THEMIS: variants seen among roughly 807,000 people sequenced by gnomAD.
THEMIS encodes the protein protein THEMIS.
THEMIS carries 37 observed loss-of-function variants against 52.6 expected under a neutral mutation model. That is an observed-to-expected ratio of 0.70 (90% CI 0.54 to 0.93). THEMIS has a LOEUF of 0.93. Ranked by LOEUF, THEMIS falls within the 40% of genes least tolerant of loss-of-function variation. The pLI is 0.00. For synonymous variants in THEMIS, 292 were observed against 272.7 expected, an observed-to-expected ratio of 1.07 and a Z score of -0.70; for missense variants, 808 against 763.1, an observed-to-expected ratio of 1.06 and a Z score of -0.69.
intron 4 of THEMIS, among the ~76,000 whole-genome samples, chr6:127,778,683 A>C (rs1319077417): frequency 1.3e-5 from 2 of 152,174 alleles, no homozygotes; most frequent in African/African-American, 2.4e-5. Context: ...GTTCATTAAA[A>C]GGAAGTTCCC....
At chr6:127,858,874 A>G (rs184693993) in intron 1 of THEMIS, among the ~76,000 whole-genome samples, 1 of 152,268 alleles carries the variant, frequency 6.6e-6, no homozygotes, top group East Asian at 1.9e-4. Context: ...TCAGTGATCA[A>G]ACATTGCCCC....
intron 4 of THEMIS, among the ~76,000 whole-genome samples, chr6:127,749,100 C>A (rs560280100): frequency 2.6e-5 from 4 of 151,988 alleles, no homozygotes; most frequent in Non-Finnish European, 5.9e-5. Flanking sequence ...CAGAATATTG[C>A]CTTTGGCAAA....
intron 4 of THEMIS, among the ~76,000 whole-genome samples, chr6:127,720,135 G>A (rs116058855): frequency 0.049 from 7,358 of 151,706 alleles, 183 homozygotes; most frequent in East Asian, 0.092. Flanking sequence ...TTTTTACTTA[G>A]TTTTTATTAT....
chr6:127,896,235 T>C (rs182131496), intron 1 of THEMIS, among the ~76,000 whole-genome samples: 1 of 151,514 alleles, frequency 6.6e-6, no homozygotes, highest in East Asian at 1.9e-4. Context: ...GATCTTTTTT[T>C]TATCATTACC....
At chr6:127,793,413 C>T (rs1049097193) in intron 4 of THEMIS, among the ~76,000 whole-genome samples, 1 of 152,132 alleles carries the variant, frequency 6.6e-6, no homozygotes, top group Admixed American at 6.6e-5. Context: ...TGATTCTGAA[C>T]AGAGGCAGTT....
chr6:127,717,254 A>T (rs1774200785), intron 5 of THEMIS, among the ~76,000 whole-genome samples: 1 of 151,936 alleles, frequency 6.6e-6, no homozygotes, highest in Non-Finnish European at 1.5e-5. Flanking sequence ...TTTACAAATA[A>T]AGGAATAGTC....
chr6:127,785,430 C>T (rs1401029717), intron 4 of THEMIS, among the ~76,000 whole-genome samples: 3 of 150,782 alleles, frequency 2.0e-5, no homozygotes, highest in South Asian at 4.2e-4. Flanking sequence ...CAAACCTGCA[C>T]GTTGTGCACA....
At chr6:127,774,516 G>C (rs745914338) in intron 4 of THEMIS, among the ~76,000 whole-genome samples, 2 of 152,110 alleles carry the variant, frequency 1.3e-5, no homozygotes, top group Non-Finnish European at 2.9e-5. Context: ...GAACCTACCA[G>C]GCCTTCTTAC....
chr6:127,889,642 ATTAG>A (rs1281772104), intron 1 of THEMIS, among the ~76,000 whole-genome samples: 1 of 152,132 alleles, frequency 6.6e-6, no homozygotes, highest in Non-Finnish European at 1.5e-5. Flanking sequence ...AAAGAGTTAT[ATTAG>A]TTAATTTCAA....
intron 4 of THEMIS, among the ~76,000 whole-genome samples, chr6:127,800,640 C>T (rs1278890977): frequency 6.6e-6 from 1 of 152,186 alleles, no homozygotes; most frequent in Non-Finnish European, 1.5e-5. Context: ...AGTCAGTGGG[C>T]TGGGAAAGGC....
chr6:127,754,954 T>C (rs899313786), intron 4 of THEMIS, among the ~76,000 whole-genome samples: 5 of 152,190 alleles, frequency 3.3e-5, no homozygotes, highest in Non-Finnish European at 7.4e-5. Flanking sequence ...TGCAATGCAT[T>C]GGAGAACTTT....
At chr6:127,802,774 C>A (rs1254763846) in intron 4 of THEMIS, among the ~76,000 whole-genome samples, 2 of 152,194 alleles carry the variant, frequency 1.3e-5, no homozygotes, top group African/African-American at 4.8e-5. Context: ...ACCGACAATT[C>A]ATGCAGTGAA....
At chr6:127,817,393 TTTTA>T (rs1276828446) in intron 3 of THEMIS, among the ~76,000 whole-genome samples, 1 of 152,216 alleles carries the variant, frequency 6.6e-6, no homozygotes, top group Admixed American at 6.5e-5. Context: ...CTATTGTATA[TTTTA>T]TTTAAGACAC....
chr6:127,749,911 C>T (rs1054701842), intron 4 of THEMIS, among the ~76,000 whole-genome samples: 6 of 150,350 alleles, frequency 4.0e-5, no homozygotes, highest in African/African-American at 1.5e-4. Flanking sequence ...TCGAGTAGAA[C>T]AAGGTATTAA....
intron 4 of THEMIS, among the ~76,000 whole-genome samples, chr6:127,812,079 T>C (rs1274888350): frequency 1.3e-5 from 2 of 152,186 alleles, no homozygotes; most frequent in Admixed American, 6.5e-5. Context: ...AAGTACAACA[T>C]CTGCCAGACC....
intron 4 of THEMIS, among the ~76,000 whole-genome samples, chr6:127,724,314 A>G (rs1290773357): frequency 6.6e-6 from 1 of 152,126 alleles, no homozygotes; most frequent in East Asian, 1.9e-4. Flanking sequence ...TGGAAGTTAT[A>G]AATCTGAGAA....
At chr6:127,848,682 T>G (rs1562298040) in intron 2 of THEMIS, among the ~76,000 whole-genome samples, 1 of 152,218 alleles carries the variant, frequency 6.6e-6, no homozygotes, top group Non-Finnish European at 1.5e-5. Context: ...CCAGTGATGA[T>G]GAACATTTTT....
At chr6:127,855,597 A>C (rs1470208542) in intron 1 of THEMIS, among the ~76,000 whole-genome samples, 1 of 151,908 alleles carries the variant, frequency 6.6e-6, no homozygotes, top group African/African-American at 2.4e-5. Flanking sequence ...ATTGGAGATG[A>C]AAAAGAGGGT....
At chr6:127,906,469 C>T (rs1160638638) in intron 1 of THEMIS, among the ~76,000 whole-genome samples, 2 of 151,898 alleles carry the variant, frequency 1.3e-5, no homozygotes, top group Non-Finnish European at 2.9e-5. Flanking sequence ...TTTAGTCACT[C>T]ATCTATATTA....
Sources: allele counts gnomAD v4.1 joint callset (sites outside exome capture counted in the v4.1 genomes callset), GRCh38; gene constraint gnomAD v4.1.1; transcripts MANE v1.5; gene names NCBI Gene and HGNC (gene_info 2026-07-23, HGNC 2026-07-21).